Variants in GABRB3 observed in about 807,000 individuals in gnomAD.
The protein encoded by GABRB3 is gamma-aminobutyric acid type A receptor subunit beta3.
A neutral mutation model predicts 52.1 loss-of-function variants in GABRB3; 14 were observed. The ratio of observed to expected loss-of-function variants is 0.27; its 90% CI spans 0.18 to 0.42. The LOEUF (loss-of-function observed/expected upper bound fraction) is 0.42, where lower values mean the gene tolerates loss of function less well. Ranked by LOEUF, GABRB3 falls within the 10% of genes least tolerant of loss-of-function variation. The pLI is 1.00. For missense variants in GABRB3, 307 were observed against 609.1 expected (o/e 0.50, Z 5.22); for synonymous variants, 260 against 232.3 (o/e 1.12, Z -1.08).
At position 26,574,561 on chromosome 15, in the gene GABRB3, C is replaced by T. The variant is rs186185413; in HGVS notation, c.682+5758G>A. On this transcript the variant is annotated intron_variant, in intron 6 of 8. Transcript: ENST00000311550. The stretch of plus-strand genomic sequence containing the variant: ...ATAAAGAAAATGCAGTATATTTCTT[C>T]GGCAATAAAAAGGAATGAAGTACTG... 8.7e-4 allele frequency among the ~76,000 whole-genome samples: 133 copies of T among 152,112 alleles called. 1 individual carries two copies. In the East Asian group the frequency reaches 0.019, roughly 22 times the overall value.
chr15:26,609,264 G>A (rs1357834937), intron 4 of GABRB3, among the ~76,000 whole-genome samples: 4 of 152,068 alleles, frequency 2.6e-5, no homozygotes, highest in Non-Finnish European at 4.4e-5. Flanking sequence ...ATTCTCACTT[G>A]TTTGTGGGAT....
chr15:26,599,107 G>C (rs1009525961), intron 4 of GABRB3, among the ~76,000 whole-genome samples: 1 of 152,136 alleles, frequency 6.6e-6, no homozygotes. Flanking sequence ...CAATGACCTT[G>C]CCCAGGAAGG....
At chr15:26,683,794 A>C (rs1442907293) in intron 3 of GABRB3, among the ~76,000 whole-genome samples, 1 of 151,952 alleles carries the variant, frequency 6.6e-6, no homozygotes, top group Non-Finnish European at 1.5e-5. Context: ...ACTCTCATAC[A>C]CTCATGAGTG....
chr15:26,657,569 G>GT (rs1429572468), intron 3 of GABRB3, among the ~76,000 whole-genome samples: 1 of 152,164 alleles, frequency 6.6e-6, no homozygotes, highest in Non-Finnish European at 1.5e-5. Flanking sequence ...GGAATGCATG[G>GT]TATGTCTCAG....
intron 3 of GABRB3, among the ~76,000 whole-genome samples, chr15:26,645,439 T>C (rs1947397327): frequency 6.6e-6 from 1 of 152,100 alleles, no homozygotes; most frequent in African/African-American, 2.4e-5. Flanking sequence ...TGAGGTATGG[T>C]GATGGGTGCA....
chr15:26,762,059 T>G (rs1004335226), intron 3 of GABRB3, among the ~76,000 whole-genome samples: 20 of 152,116 alleles, frequency 1.3e-4, no homozygotes, highest in Non-Finnish European at 2.4e-4. Flanking sequence ...TATGAACTTC[T>G]GAGTTCAGGT....
chr15:26,765,457 C>T (rs1375577574), intron 3 of GABRB3, among the ~76,000 whole-genome samples: 1 of 152,160 alleles, frequency 6.6e-6, no homozygotes, highest in African/African-American at 2.4e-5. Flanking sequence ...AAAGTAAACA[C>T]TGTATACATC....
intron 3 of GABRB3, among the ~76,000 whole-genome samples, chr15:26,669,354 T>G (rs1012249516): frequency 9.2e-5 from 14 of 152,204 alleles, no homozygotes; most frequent in African/African-American, 3.4e-4. Flanking sequence ...TGCATTTTCC[T>G]CATTTGCTTA....
intron 3 of GABRB3, among the ~76,000 whole-genome samples, chr15:26,723,065 G>A (rs977685890): frequency 6.6e-6 from 1 of 152,102 alleles, no homozygotes; most frequent in Admixed American, 6.5e-5. Flanking sequence ...TTCTTCCATT[G>A]AGAAGATTCC....
intron 8 of GABRB3, among the ~76,000 whole-genome samples, chr15:26,550,846 T>C (rs558259147): frequency 1.3e-5 from 2 of 152,354 alleles, no homozygotes; most frequent in South Asian, 4.1e-4. Flanking sequence ...AACACGGTCT[T>C]ATTTGAAGCT....
chr15:26,605,172 C>A (rs1203168395), intron 4 of GABRB3, among the ~76,000 whole-genome samples: 1 of 152,150 alleles, frequency 6.6e-6, no homozygotes, highest in African/African-American at 2.4e-5. Context: ...ATCTCAACAT[C>A]ACTGATCATC....
chr15:26,562,536 T>A (rs1311794970), intron 7 of GABRB3, among the ~76,000 whole-genome samples: 3 of 152,238 alleles, frequency 2.0e-5, no homozygotes, highest in Admixed American at 1.3e-4. Context: ...TGTCCAGATA[T>A]GTACTCTGGG....
At chr15:26,593,771 A>G (rs1891291958) in intron 4 of GABRB3, among the ~76,000 whole-genome samples, 1 of 151,950 alleles carries the variant, frequency 6.6e-6, no homozygotes, top group Non-Finnish European at 1.5e-5. Flanking sequence ...TAATCCCACT[A>G]TAAACATTGG....
chr15:26,624,696 T>G, intron 3 of GABRB3: 6 of 984,008 alleles, frequency 6.1e-6, no homozygotes, highest in African/African-American at 1.7e-5. Context: ...TGATCAGCCA[T>G]GTATGGCAAG....
chr15:26,761,771 A>G (rs1890828796), intron 3 of GABRB3, among the ~76,000 whole-genome samples: 1 of 152,124 alleles, frequency 6.6e-6, no homozygotes, highest in African/African-American at 2.4e-5. Flanking sequence ...CTCCAAATTA[A>G]GCTACTATTG....
intron 7 of GABRB3, among the ~76,000 whole-genome samples, chr15:26,565,861 G>A (rs577835857): frequency 4.5e-4 from 69 of 152,144 alleles, no homozygotes; most frequent in Admixed American, 3.1e-3. Flanking sequence ...ACTTTCATAC[G>A]CCTCTTCTAG....
chr15:26,641,554 A>G (rs1023292163), intron 3 of GABRB3, among the ~76,000 whole-genome samples: 2 of 152,230 alleles, frequency 1.3e-5, no homozygotes, highest in Non-Finnish European at 2.9e-5. Context: ...GGTTTCCAGC[A>G]TTCTATTTTT....
chr15:26,703,169 C>T (rs1378664188), intron 3 of GABRB3, among the ~76,000 whole-genome samples: 6 of 152,138 alleles, frequency 3.9e-5, no homozygotes, highest in Non-Finnish European at 7.3e-5. Flanking sequence ...AACAGAATGC[C>T]TAAGACTGGG....
chr15:26,615,245 AGT>A, intron 4 of GABRB3: 1 of 973,224 alleles, frequency 1.0e-6, no homozygotes. Context: ...TTAGTCTCTT[AGT>A]CAGCCAAGAT....
Sources: gnomAD v4.1 joint callset for allele counts (sites outside exome capture counted in the v4.1 genomes callset) on GRCh38, gnomAD v4.1.1 for gene constraint, MANE v1.5 for transcripts, NCBI Gene and HGNC (gene_info 2026-07-23, HGNC 2026-07-21) for gene names.